Variants in CCDC146 observed in about 807,000 individuals in gnomAD.
The protein encoded by CCDC146 is coiled-coil domain-containing protein 146.
In CCDC146, 92 loss-of-function variants were observed where a neutral mutation model predicts 119.3. That is an observed-to-expected ratio of 0.77 (90% CI 0.65 to 0.92). The LOEUF is 0.92. Ranked by LOEUF, CCDC146 falls within the 40% of genes least tolerant of loss-of-function variation. The probability of loss-of-function intolerance (pLI) is 0.00; values close to 1 mark genes in which losing one functional copy is unlikely to be tolerated. For missense variants in CCDC146, 1,000 were observed against 1,103.0 expected, an observed-to-expected ratio of 0.91 and a Z score of 1.32; for synonymous variants, 372 against 371.8, an observed-to-expected ratio of 1.00 and a Z score of -0.01.
intron 1 of CCDC146, among the ~76,000 whole-genome samples, chr7:77,153,856 A>G (rs1184427210): frequency 6.6e-6 from 1 of 152,040 alleles, no homozygotes; most frequent in Non-Finnish European, 1.5e-5. Flanking sequence ...TGTGTATGAG[A>G]ATATTTATGG....
intron 4 of CCDC146, among the ~76,000 whole-genome samples, chr7:77,252,915 C>A (rs997926710): frequency 1.3e-5 from 2 of 152,220 alleles, no homozygotes; most frequent in Non-Finnish European, 2.9e-5. Flanking sequence ...CACTCACCTT[C>A]CTTGGGCAAA....
intron 2 of CCDC146, among the ~76,000 whole-genome samples, chr7:77,227,467 G>A (rs977542618): frequency 2.6e-5 from 4 of 152,138 alleles, no homozygotes; most frequent in South Asian, 2.1e-4. Flanking sequence ...CACCACGCCC[G>A]GCTAATTTTT....
Position 77,279,120 on chromosome 7 carries a change from A to C in CCDC146, c.1694+19A>C, listed in dbSNP as rs1381020119. On this transcript the variant is annotated intron_variant, in intron 13 of 18. Transcript: ENST00000285871. ...AAGAAAGGTAAGTGTTATAATAACTATTGGCCTTTCAAAGGCTTGTTTTCT... is the reference window on the plus strand; with the variant it reads ...AAGAAAGGTAAGTGTTATAATAACTCTTGGCCTTTCAAAGGCTTGTTTTCT... 15 of 1,599,960 alleles carry C rather than the reference A, an allele frequency of 9.4e-6. No homozygotes were observed. The highest frequency in any genetic ancestry group is 1.3e-5 in the Non-Finnish European group (15 of 1,176,222).
intron 3 of CCDC146, among the ~76,000 whole-genome samples, chr7:77,241,008 G>GTT (rs1275786936): frequency 2.2e-4 from 28 of 129,614 alleles, no homozygotes; most frequent in African/African-American, 6.2e-4. Flanking sequence ...GTTTTTTTGG[G>GTT]TTTTTTTTTT....
intron 1 of CCDC146, among the ~76,000 whole-genome samples, chr7:77,155,767 T>G (rs1244533218): frequency 1.3e-5 from 2 of 152,186 alleles, no homozygotes; most frequent in Non-Finnish European, 2.9e-5. Flanking sequence ...AGTGCTTGCA[T>G]GCTGACAAGG....
chr7:77,164,700 T>C (rs988402120), intron 1 of CCDC146, among the ~76,000 whole-genome samples: 5 of 152,204 alleles, frequency 3.3e-5, no homozygotes, highest in Non-Finnish European at 7.3e-5. Flanking sequence ...AAATTAGTTG[T>C]TGTTTTGTTT....
intron 2 of CCDC146, chr7:77,193,473 T>A (rs942084888): frequency 1.3e-5 from 2 of 152,176 alleles, no homozygotes; most frequent in African/African-American, 4.8e-5. Flanking sequence ...TAAACCTAAT[T>A]ATACATAAAA....
chr7:77,150,590 C>A (rs1791095440), intron 1 of CCDC146, among the ~76,000 whole-genome samples: 1 of 152,092 alleles, frequency 6.6e-6, no homozygotes, highest in Non-Finnish European at 1.5e-5. Context: ...CAGCGGGAAC[C>A]CTGGTACGTT....
chr7:77,186,335 G>C (rs1024811350), intron 2 of CCDC146, among the ~76,000 whole-genome samples: 4 of 152,084 alleles, frequency 2.6e-5, no homozygotes, highest in East Asian at 3.9e-4. Flanking sequence ...CCCATCATTT[G>C]CAACAACATG....
chr7:77,271,863 G>A (rs1010914324), intron 9 of CCDC146, among the ~76,000 whole-genome samples: 3 of 152,102 alleles, frequency 2.0e-5, no homozygotes, highest in African/African-American at 7.2e-5. Context: ...AGAAAAATCT[G>A]TCGAGAGCCT....
At chr7:77,198,098 C>G in intron 2 of CCDC146, 1 of 983,694 alleles carries the variant, frequency 1.0e-6, no homozygotes, top group South Asian at 4.7e-5. Flanking sequence ...AGCATCTAAT[C>G]TAATGTATAC....
intron 9 of CCDC146, among the ~76,000 whole-genome samples, chr7:77,262,939 G>T (rs1382105163): frequency 6.6e-6 from 1 of 152,228 alleles, no homozygotes; most frequent in Non-Finnish European, 1.5e-5. Context: ...TGAAAGGGCA[G>T]AGGATCCTTG....
At chr7:77,178,829 T>A (rs1415296635) in intron 2 of CCDC146, among the ~76,000 whole-genome samples, 2 of 152,208 alleles carry the variant, frequency 1.3e-5, no homozygotes, top group Non-Finnish European at 1.5e-5. Flanking sequence ...CTTAGGTGAA[T>A]GTGCATCTTG....
rs750089748 is a variant in CCDC146, at chr7:77,274,651, A to T, written c.1439A>T (p.Gln480Leu). 3 of 1,603,160 alleles carry T rather than the reference A, an allele frequency of 1.9e-6. No individual in the cohort carries two copies. Among genetic ancestry groups the T allele is most frequent in the Non-Finnish European group, 1.7e-6 (2 of 1,176,174 alleles). The change falls in exon 11 of 19, where the codon CAG becomes CTG. Residue 480 changes from glutamine (Q) to leucine (L), a missense_variant and splice_region_variant. Physicochemically the swap from Gln to Leu is moderately radical, Grantham distance 113. Around this residue, in one of 2 missense-constraint regions of CCDC146, gnomAD observed 985 missense variants for 1,045.3 expected, o/e 0.94. Coordinates refer to ENST00000285871, the MANE Select transcript of CCDC146 (RefSeq NM_020879.3). ...EQKSKDFLKA[Q>L]QKYTNIVKEM... ...AAGTCCAAGGATTTCCTGAAAGCTC[A>T]GGTAACTGCATTTTTTTAACCATTC...
chr7:77,148,198 AC>A (rs1468353179), intron 1 of CCDC146, among the ~76,000 whole-genome samples: 6 of 152,242 alleles, frequency 3.9e-5, no homozygotes, highest in African/African-American at 1.4e-4. Flanking sequence ...TGGGTGTGGG[AC>A]CCTCTGAGCC....
At chr7:77,161,125 A>T (rs1791254496) in intron 1 of CCDC146, among the ~76,000 whole-genome samples, 3 of 152,246 alleles carry the variant, frequency 2.0e-5, no homozygotes, top group Admixed American at 1.3e-4. Context: ...ATCATTAAAA[A>T]GTCAGGAAAC....
chr7:77,261,881 A>G (rs1017522311), intron 8 of CCDC146, among the ~76,000 whole-genome samples: 6 of 152,170 alleles, frequency 3.9e-5, no homozygotes, highest in African/African-American at 1.2e-4. Flanking sequence ...TGTCTTTGCT[A>G]TTGTGAATAG....
At chr7:77,142,953 T>C (rs1790958730) in intron 1 of CCDC146, among the ~76,000 whole-genome samples, 1 of 151,852 alleles carries the variant, frequency 6.6e-6, no homozygotes, top group South Asian at 2.1e-4. Context: ...CTGGGTCAAA[T>C]GGTATTTCTA....
intron 9 of CCDC146, among the ~76,000 whole-genome samples, chr7:77,273,462 C>G (rs1021936497): frequency 6.6e-6 from 1 of 152,058 alleles, no homozygotes; most frequent in Non-Finnish European, 1.5e-5. Context: ...ATTTGCTCAG[C>G]ATTTTCAAAA....
Sources: gnomAD v4.1 joint callset for allele counts (sites outside exome capture counted in the v4.1 genomes callset) on GRCh38, gnomAD v4.1.1 for gene constraint, gnomAD v4.1.1 regional missense constraint, MANE v1.5 for transcripts, NCBI Gene and HGNC (gene_info 2026-07-23, HGNC 2026-07-21) for gene names.